The following ZNF518A variants were observed in gnomAD, a reference collection of about 807,000 sequenced individuals.
The protein encoded by ZNF518A is zinc finger protein 518A, also known as zinc finger protein 518.
Under a neutral mutation model 102.7 loss-of-function variants are expected in ZNF518A, and 47 were observed. That is an observed-to-expected ratio of 0.46 (90% CI 0.36 to 0.58). The LOEUF (loss-of-function observed/expected upper bound fraction) is 0.58. Ranked by LOEUF, ZNF518A falls within the 20% of genes least tolerant of loss-of-function variation. The pLI is 0.00. For missense variants in ZNF518A, 1,793 were observed against 1,699.8 expected (o/e 1.05, Z -0.96); for synonymous variants, 652 against 594.6 (o/e 1.10, Z -1.40).
At position 96,133,141 on chromosome 10, in the gene ZNF518A, C is replaced by G. The variant is rs587686225; in HGVS notation, c.-367-442C>G. On this transcript the variant is annotated intron_variant, in intron 2 of 5. Coordinates refer to ENST00000316045, the MANE Select transcript of ZNF518A (RefSeq NM_001330736.2). ...TATTACTTAACATTTTATTAGAAAT[C>G]CAAATATAACTTTAACTATCATCCT... 8.5e-5 allele frequency among the ~76,000 whole-genome samples: 13 copies of G among 152,070 alleles called. No individual in the cohort carries two copies. In the South Asian group the frequency reaches 2.1e-3, roughly 24 times the overall value.
intron 1 of ZNF518A, chr10:96,201,029 C>T (rs1371461399): frequency 6.2e-7 from 1 of 1,613,990 alleles, no homozygotes; most frequent in African/African-American, 1.3e-5. Flanking sequence ...AGGGGCCCAT[C>T]CACAGTTGGG....
At chr10:96,204,220 C>T, downstream of ZNF518A, 1 of 1,031,550 alleles carries the variant, frequency 9.7e-7, no homozygotes, top group Non-Finnish European at 1.5e-6. Context: ...TAAAATGTAT[C>T]TAAAGATAAA....
At chr10:96,145,350 G>A (rs1210493698) in intron 3 of ZNF518A, among the ~76,000 whole-genome samples, 4 of 152,242 alleles carry the variant, frequency 2.6e-5, no homozygotes, top group South Asian at 2.1e-4. Context: ...GATTAAAGGC[G>A]TGAGCCACCG....
At chr10:96,147,312 ATGTCT>A (rs1437599680) in intron 3 of ZNF518A, among the ~76,000 whole-genome samples, 2 of 152,262 alleles carry the variant, frequency 1.3e-5, no homozygotes, top group East Asian at 3.9e-4. Context: ...GATGTCAAAG[ATGTCT>A]TGTCTTTGGA....
intron 1 of ZNF518A, among the ~76,000 whole-genome samples, chr10:96,173,089 C>A (rs1554891078): frequency 6.6e-6 from 1 of 152,042 alleles, no homozygotes; most frequent in Non-Finnish European, 1.5e-5. Context: ...TATAAGTAAT[C>A]TGGAGATTAA....
chr10:96,195,874 A>G (rs942078844), intron 1 of ZNF518A, among the ~76,000 whole-genome samples: 6 of 152,214 alleles, frequency 3.9e-5, no homozygotes, highest in Non-Finnish European at 2.9e-5. Context: ...TGCAAATGCT[A>G]TTCTCCTGCC....
At chr10:96,204,387 A>G, downstream of ZNF518A, 1 of 979,362 alleles carries the variant, frequency 1.0e-6, no homozygotes, top group Non-Finnish European at 1.6e-6. Context: ...GTTGCTCAAC[A>G]CCTTTTAACA....
rs150495829 is a variant in ZNF518A, at chr10:96,189,698, AATCATC to A, written n.36-13845_36-13840del. On this transcript the variant is annotated intron_variant and non_coding_transcript_variant, in intron 1 of 2. Coordinates refer to the ZNF518A transcript ENST00000442635. The stretch of plus-strand genomic sequence containing the variant: ...TTTTCTTCAGTTTCCTCATCATCAA[AATCATC>A]ATCATCATCATCATCATCATCATCA... 9.5e-4 allele frequency: 624 copies of A among 655,490 alleles called. 1 individual carries two copies. The highest frequency in any genetic ancestry group is 7.1e-3 in the African/African-American group (387 of 54,814). 40.6% of individuals were successfully genotyped at this position (655,490 alleles called of 1,614,324 possible).
At chr10:96,182,378 TG>T (rs1433918297) in intron 1 of ZNF518A, among the ~76,000 whole-genome samples, 2 of 151,964 alleles carry the variant, frequency 1.3e-5, no homozygotes, top group African/African-American at 4.8e-5. Flanking sequence ...TGAATAGGAG[TG>T]GTGAGAAAGA....
In ZNF518A at chr10:96,159,560, G is replaced by A. The variant is rs781908341; in HGVS notation, c.3238G>A (p.Asp1080Asn). ...ACAGAGCACTAAGTTGAATATCTCC[G>A]ATTCAGTAAAACAGCAGAATGAGAT... ...EQQSTKLNIS[D>N]SVKQQNEIFP... The change falls in exon 6 of 6, where the codon GAT becomes AAT. Residue 1080 changes from aspartate to asparagine, a missense_variant. By Grantham distance (23) the Asp-to-Asn change is conservative. Around this residue, in one of 3 missense-constraint regions of ZNF518A, gnomAD observed 1,741 missense variants for 1,622.6 expected, o/e 1.07. Transcript: ENST00000316045. 3.5e-5 allele frequency: 57 copies of A among 1,613,724 alleles called. No individual in the cohort carries two copies. The highest frequency in any genetic ancestry group is 4.2e-5 in the Non-Finnish European group (49 of 1,179,800).
intron 3 of ZNF518A, among the ~76,000 whole-genome samples, chr10:96,150,851 C>T (rs2082418413): frequency 6.9e-6 from 1 of 145,552 alleles, no homozygotes; most frequent in Admixed American, 7.1e-5. Flanking sequence ...ATCCCAGGTT[C>T]AAACAATTCT....
intron 1 of ZNF518A, chr10:96,201,159 C>A: frequency 1.9e-5 from 20 of 1,067,652 alleles, no homozygotes; most frequent in Middle Eastern, 2.1e-4. Flanking sequence ...AGGGACACAT[C>A]CACCAAAAAA....
At chr10:96,202,758 G>A (rs1326266134) in intron 1 of ZNF518A, among the ~76,000 whole-genome samples, 1 of 152,224 alleles carries the variant, frequency 6.6e-6, no homozygotes, top group Non-Finnish European at 1.5e-5. Context: ...GTGCAGGGCA[G>A]TTTGTGGTTT....
intron 1 of ZNF518A, chr10:96,189,280 A>G (rs2083293572): frequency 2.3e-6 from 1 of 430,688 alleles, no homozygotes; most frequent in Admixed American, 3.3e-5. Context: ...ACTCTGCATT[A>G]TAGAAAGGAC....
intron 1 of ZNF518A, among the ~76,000 whole-genome samples, chr10:96,179,846 CTTCTT>C (rs782006912): frequency 3.3e-5 from 5 of 149,302 alleles, no homozygotes; most frequent in Admixed American, 6.7e-5. Flanking sequence ...CCTCATCCTT[CTTCTT>C]TTCTTCTTTT....
rs782078356 is a variant in ZNF518A, at chr10:96,157,056, C to T, written c.734C>T (p.Thr245Ile). Residue 245 changes from threonine (T) to isoleucine (I), a missense_variant, in exon 6 of 6, where the codon ACC becomes ATC. By Grantham distance (89) the Thr-to-Ile change is moderately conservative. Coordinates refer to ENST00000316045, the MANE Select transcript of ZNF518A (RefSeq NM_001330736.2). The part of the protein sequence containing the change: ...KCGKCHHVCF[T>I]KGELQKHLHI... ...GGTAAATGTCATCATGTATGTTTTA[C>T]CAAAGGAGAGCTTCAGAAGCACCTT... 6.2e-6 allele frequency: 10 copies of T among 1,613,512 alleles called. No homozygotes were observed. Among genetic ancestry groups the T allele is most frequent in the Non-Finnish European group, 8.5e-6 (10 of 1,179,700 alleles).
chr10:96,204,689 G>A, downstream of ZNF518A: 1 of 1,476,910 alleles, frequency 6.8e-7, no homozygotes, highest in Non-Finnish European at 9.4e-7. Context: ...AGCAACATCA[G>A]CTGAGAAGAA....
intron 1 of ZNF518A, chr10:96,197,090 A>G (rs1554894885): frequency 1.9e-6 from 3 of 1,580,768 alleles, no homozygotes; most frequent in Non-Finnish European, 2.6e-6. Flanking sequence ...AAAAAACATA[A>G]TTATGGTTAG....
chr10:96,133,915 T>A (rs1293018053), intron 3 of ZNF518A, among the ~76,000 whole-genome samples: 3 of 152,202 alleles, frequency 2.0e-5, no homozygotes, highest in African/African-American at 7.2e-5. Flanking sequence ...TTTATGTCAT[T>A]AAGTAACTTT....
Sources: gnomAD v4.1 joint callset for allele counts (sites outside exome capture counted in the v4.1 genomes callset) on GRCh38, gnomAD v4.1.1 for gene constraint, gnomAD v4.1.1 regional missense constraint, MANE v1.5 for transcripts, NCBI Gene and HGNC (gene_info 2026-07-23, HGNC 2026-07-21) for gene names.